The following ANKRD29 variants were observed in gnomAD, a reference collection of about 807,000 sequenced individuals.
ANKRD29 encodes ankyrin repeat domain 29, also known as ankyrin repeat domain-containing protein 29.
ANKRD29 carries 32 observed loss-of-function variants against 38.0 expected under a neutral mutation model. That is an observed-to-expected ratio of 0.84 (90% confidence interval 0.64 to 1.13). ANKRD29 has a LOEUF of 1.13. Ranked by LOEUF, ANKRD29 falls within the 50% of genes most tolerant of loss-of-function variation. The probability of loss-of-function intolerance (pLI) is 0.00; values close to 1 mark genes in which losing one functional copy is unlikely to be tolerated. For synonymous variants in ANKRD29, 135 were observed against 152.4 expected, an observed-to-expected ratio of 0.89 and a Z score of 0.84; for missense variants, 357 against 377.9, an observed-to-expected ratio of 0.94 and a Z score of 0.46.
At chr18:23,645,354 T>A (rs979870500) in intron 3 of ANKRD29, among the ~76,000 whole-genome samples, 2 of 152,166 alleles carry the variant, frequency 1.3e-5, no homozygotes, top group Admixed American at 6.5e-5. Flanking sequence ...TGTGGGCAGA[T>A]CACGAGGTCA....
intron 3 of ANKRD29, 40 bp downstream of exon 3, chr18:23,646,149 G>A: frequency 1.3e-6 from 2 of 1,587,452 alleles, no homozygotes; most frequent in Non-Finnish European, 1.7e-6. Context: ...TCAGATCTCT[G>A]AGCCTGGTCA....
At chr18:23,627,938 A>T (rs1033501453) in intron 6 of ANKRD29, among the ~76,000 whole-genome samples, 1 of 152,214 alleles carries the variant, frequency 6.6e-6, no homozygotes, top group African/African-American at 2.4e-5. Context: ...AGTTTTTTTG[A>T]AACTGCTTCC....
At chr18:23,628,977 T>C (rs2059895405) in intron 6 of ANKRD29, among the ~76,000 whole-genome samples, 1 of 152,268 alleles carries the variant, frequency 6.6e-6, no homozygotes, top group Admixed American at 6.5e-5. Context: ...TTTTTTCTTC[T>C]TTTTAAAAAT....
chr18:23,626,773 C>T (rs2059867476), intron 6 of ANKRD29, among the ~76,000 whole-genome samples: 1 of 152,174 alleles, frequency 6.6e-6, no homozygotes, highest in Non-Finnish European at 1.5e-5. Flanking sequence ...GTTCAGATTC[C>T]CTGAAGCTCA....
At chr18:23,610,924 C>T (rs1275853912) in intron 9 of ANKRD29, among the ~76,000 whole-genome samples, 9 of 152,230 alleles carry the variant, frequency 5.9e-5, no homozygotes, top group African/African-American at 1.7e-4. Context: ...AAGCAATCTA[C>T]CTGCCTCAGC....
chr18:23,615,857 CATAA>C (rs936742631), intron 8 of ANKRD29, among the ~76,000 whole-genome samples: 27 of 148,372 alleles, frequency 1.8e-4, no homozygotes, highest in African/African-American at 6.6e-4. Context: ...TATTACTAGA[CATAA>C]ATATTTACTC....
chr18:23,627,068 C>A (rs1223160697), intron 6 of ANKRD29, among the ~76,000 whole-genome samples: 2 of 152,198 alleles, frequency 1.3e-5, no homozygotes, highest in African/African-American at 2.4e-5. Context: ...AGGCCATGTG[C>A]AGGCATGGCA....
intron 5 of ANKRD29, among the ~76,000 whole-genome samples, chr18:23,630,309 C>G (rs1486272551): frequency 1.3e-5 from 2 of 152,196 alleles, no homozygotes; most frequent in Non-Finnish European, 2.9e-5. Context: ...CACCTATAAT[C>G]CCAGCTACTC....
At chr18:23,644,489 G>T (rs1461542226) in intron 3 of ANKRD29, among the ~76,000 whole-genome samples, 2 of 152,218 alleles carry the variant, frequency 1.3e-5, no homozygotes, top group Admixed American at 1.3e-4. Flanking sequence ...AAGTGAAAAT[G>T]ACCTCAAACA....
At chr18:23,644,943 C>T (rs1186546165) in intron 3 of ANKRD29, among the ~76,000 whole-genome samples, 1 of 152,202 alleles carries the variant, frequency 6.6e-6, no homozygotes, top group Non-Finnish European at 1.5e-5. Context: ...GAACTCTTGA[C>T]ACAGTCCTGA....
intron 1 of ANKRD29, among the ~76,000 whole-genome samples, chr18:23,650,613 T>C (rs889576267): frequency 1.3e-5 from 2 of 152,334 alleles, no homozygotes; most frequent in Admixed American, 6.5e-5. Context: ...AGGGAAGAAC[T>C]GGCTTTGGGA....
chr18:23,638,944 C>T lies in ANKRD29; in HGVS notation c.235G>A (p.Gly79Ser). 1.2e-6 allele frequency: 2 copies of T among 1,605,448 alleles called. No individual in the cohort carries two copies. The highest frequency in any genetic ancestry group is 1.1e-5 in the South Asian group (1 of 89,200). Reference sequence around the variant, plus strand: ...GCGGCAAAGAATAGGGCAGTTGTACCTGACTGGGAGAGAGGGAGAGGCTAG... The same window carrying T: ...GCGGCAAAGAATAGGGCAGTTGTACTTGACTGGGAGAGAGGGAGAGGCTAG... ...GADINLQRES[G>S]TTALFFAAQQ... is the part of the protein sequence containing the mutation. The change falls in exon 4 of 10, where the codon GGT (glycine) becomes AGT (serine). Residue 79 changes from glycine to serine, a missense_variant. By Grantham distance (56) the Gly-to-Ser change is moderately conservative. Coordinates refer to ENST00000592179, the MANE Select transcript of ANKRD29 (RefSeq NM_173505.4).
intron 6 of ANKRD29, among the ~76,000 whole-genome samples, chr18:23,622,949 G>A (rs185059052): frequency 3.0e-4 from 46 of 152,272 alleles, no homozygotes; most frequent in African/African-American, 1.1e-3. Context: ...CATGGGAGGT[G>A]GAAAAAGCAA....
At chr18:23,640,309 A>T (rs980943715) in intron 3 of ANKRD29, among the ~76,000 whole-genome samples, 2 of 152,178 alleles carry the variant, frequency 1.3e-5, no homozygotes. Context: ...TGGCCTCCAG[A>T]TCTGAGAGAA....
chr18:23,661,067 A>G (rs1348873176), intron 1 of ANKRD29, among the ~76,000 whole-genome samples: 1 of 152,224 alleles, frequency 6.6e-6, no homozygotes, highest in Non-Finnish European at 1.5e-5. Flanking sequence ...GAAAGATTAG[A>G]GATGCTTGGT....
chr18:23,643,005 C>T (rs1568040565), intron 3 of ANKRD29, among the ~76,000 whole-genome samples: 2 of 152,200 alleles, frequency 1.3e-5, no homozygotes, highest in African/African-American at 4.8e-5. Flanking sequence ...AACCCTTTTC[C>T]TTTCCATAAG....
chr18:23,628,522 C>T (rs7243451), intron 6 of ANKRD29, among the ~76,000 whole-genome samples: 2,307 of 152,080 alleles, frequency 0.015, 59 homozygotes, highest in African/African-American at 0.052. Context: ...TTCCTTAATT[C>T]GAAATGTTTT....
At chr18:23,656,670 G>T (rs138387501) in intron 1 of ANKRD29, among the ~76,000 whole-genome samples, 1 of 152,242 alleles carries the variant, frequency 6.6e-6, no homozygotes, top group Non-Finnish European at 1.5e-5. Flanking sequence ...AATTAAATGA[G>T]TAACTTACAG....
intron 6 of ANKRD29, among the ~76,000 whole-genome samples, chr18:23,622,364 G>A (rs1400286180): frequency 1.3e-5 from 2 of 152,062 alleles, no homozygotes; most frequent in South Asian, 4.1e-4. Context: ...ATACTAATGC[G>A]CTTCTCCCTC....
Sources: gnomAD v4.1 joint callset for allele counts (sites outside exome capture counted in the v4.1 genomes callset) on GRCh38, gnomAD v4.1.1 for gene constraint, MANE v1.5 for transcripts, NCBI Gene and HGNC (gene_info 2026-07-23, HGNC 2026-07-21) for gene names.